GLP2R: variants seen among roughly 807,000 people sequenced by gnomAD.
GLP2R encodes the protein glucagon-like peptide 2 receptor.
GLP2R carries 59 observed loss-of-function variants against 68.2 expected under a neutral mutation model. The ratio of observed to expected loss-of-function variants is 0.87; its 90% CI spans 0.70 to 1.07. The LOEUF is 1.07. GLP2R is among the 50% of genes least tolerant of loss of function. The pLI is 0.00. For synonymous variants in GLP2R, 270 were observed against 265.4 expected (o/e 1.02, Z -0.17); for missense variants, 548 against 677.4 (o/e 0.81, Z 2.12).
At position 9,869,632 on chromosome 17, in the gene GLP2R, T is replaced by A. The variant is rs564740442; in HGVS notation, c.1057-1115T>A. Among the ~76,000 whole-genome samples the A allele has an allele frequency of 2.0e-5, 3 of 152,314 alleles. No individual in the cohort carries two copies. The South Asian group carries it at 6.2e-4, about 32-fold the overall frequency. ...AGCTGGTGGTGGGTGGTGCTGGTTT[T>A]GGGCCTGAGAACTCAGTTACCCCAC... On this transcript the variant is annotated intron_variant, in intron 9 of 12. Transcript: ENST00000262441.
chr17:9,883,016 A>G (rs2067211166), intron 11 of GLP2R, among the ~76,000 whole-genome samples: 1 of 145,856 alleles, frequency 6.9e-6, no homozygotes, highest in African/African-American at 2.4e-5. Flanking sequence ...AGCAGTCATT[A>G]GAAACTTTCT....
At chr17:9,838,527 C>G (rs1478838557) in intron 3 of GLP2R, among the ~76,000 whole-genome samples, 2 of 152,122 alleles carry the variant, frequency 1.3e-5, no homozygotes, top group Non-Finnish European at 2.9e-5. Context: ...TGCTCACTGT[C>G]TACCTGTCCC....
intron 5 of GLP2R, among the ~76,000 whole-genome samples, chr17:9,856,189 A>T (rs530986799): frequency 7.2e-5 from 11 of 152,200 alleles, no homozygotes; most frequent in African/African-American, 2.2e-4. Flanking sequence ...ATTATCTGTG[A>T]CCTCCTTCCT....
At chr17:9,877,440 A>G (rs1458050560) in intron 10 of GLP2R, among the ~76,000 whole-genome samples, 5 of 152,210 alleles carry the variant, frequency 3.3e-5, no homozygotes, top group East Asian at 3.8e-4. Flanking sequence ...GTTATTCTTT[A>G]TAGATCATTC....
intron 1 of GLP2R, among the ~76,000 whole-genome samples, chr17:9,826,814 TG>T (rs2066636454): frequency 6.6e-6 from 1 of 152,198 alleles, no homozygotes; most frequent in Non-Finnish European, 1.5e-5. Flanking sequence ...CATTCACATT[TG>T]GGGGCTTATA....
rs1185925002 is a variant in GLP2R, at chr17:9,863,219, A to G, written c.1056+1129A>G. 3.3e-5 allele frequency among the ~76,000 whole-genome samples: 5 copies of G among 152,250 alleles called. No individual in the cohort carries two copies. In the South Asian group the frequency reaches 8.3e-4, roughly 25 times the overall value. The stretch of plus-strand genomic sequence containing the variant: ...CCTCCACAGTCCTCTCTCCAGCCAC[A>G]CTGCCCAGCTGGGGTCCTGTCTGGA... On this transcript the variant is annotated intron_variant, in intron 9 of 12. Coordinates refer to ENST00000262441, the MANE Select transcript of GLP2R (RefSeq NM_004246.3).
At chr17:9,875,563 C>T (rs376824969) in intron 10 of GLP2R, among the ~76,000 whole-genome samples, 7 of 152,212 alleles carry the variant, frequency 4.6e-5, no homozygotes, top group Admixed American at 1.3e-4. Context: ...AGCTAGAGAA[C>T]CTTCTGTAGT....
chr17:9,854,438 G>T, intron 4 of GLP2R, 57 bp from the exon 5 acceptor site: 1 of 1,015,074 alleles, frequency 9.9e-7, no homozygotes, highest in East Asian at 2.4e-5. Flanking sequence ...TGGAGCTGGG[G>T]GTTGTGGCCA....
intron 1 of GLP2R, among the ~76,000 whole-genome samples, chr17:9,829,712 A>G (rs944975789): frequency 1.3e-5 from 2 of 152,240 alleles, no homozygotes; most frequent in African/African-American, 4.8e-5. Context: ...AAAAAAGAAA[A>G]GAAAGACAAT....
At chr17:9,870,700 A>C (rs759532174) in intron 9 of GLP2R, 47 bp from the exon 10 acceptor site, 7 of 866,294 alleles carry the variant, frequency 8.1e-6, no homozygotes, top group Non-Finnish European at 1.4e-5. Context: ...GTTCACAGCT[A>C]TGTGGAATTC....
At position 9,849,169 on chromosome 17, in the gene GLP2R, T is replaced by C. The variant is rs367593464; in HGVS notation, c.505-5326T>C. 2.6e-5 allele frequency among the ~76,000 whole-genome samples: 4 copies of C among 151,926 alleles called. No individual in the cohort carries two copies. The East Asian group carries it at 7.7e-4, about 29-fold the overall frequency. On this transcript the variant is annotated intron_variant, in intron 4 of 12. Coordinates refer to ENST00000262441, the MANE Select transcript of GLP2R (RefSeq NM_004246.3). ...TTTTCCAACATTTTATTTTGAAATA[T>C]TGAAACATATAGAAAAATTAAAAGA...
At chr17:9,889,306 TGCTAAATGGACACATG>T in intron 12 of GLP2R, 48 bp from the exon 13 acceptor site, 2 of 1,119,096 alleles carry the variant, frequency 1.8e-6, no homozygotes, top group Non-Finnish European at 2.6e-6. Context: ...AATTAATATT[TGCTAAATGGACACATG>T]GCTAAATGAC....
intron 6 of GLP2R, among the ~76,000 whole-genome samples, chr17:9,857,904 G>T (rs964858650): frequency 6.6e-6 from 1 of 152,192 alleles, no homozygotes; most frequent in Non-Finnish European, 1.5e-5. Context: ...CTGCATTCAT[G>T]AATTTAACCA....
chr17:9,854,380 T>TAAAA, intron 4 of GLP2R, 115 bp from the exon 5 acceptor site: 2 of 705,844 alleles, frequency 2.8e-6, no homozygotes, highest in East Asian at 5.0e-5. Context: ...AGGAAACATT[T>TAAAA]AAAAAAATGT....
intron 10 of GLP2R, among the ~76,000 whole-genome samples, chr17:9,878,727 G>T (rs1040003567): frequency 6.6e-5 from 10 of 152,190 alleles, no homozygotes; most frequent in Non-Finnish European, 7.3e-5. Flanking sequence ...AGGTGAGGTT[G>T]TTTATTTCAT....
intron 3 of GLP2R, among the ~76,000 whole-genome samples, chr17:9,841,906 A>T (rs2066790638): frequency 6.6e-6 from 1 of 152,210 alleles, no homozygotes; most frequent in African/African-American, 2.4e-5. Flanking sequence ...ACTGAGTCAC[A>T]ATGGCAGTCT....
chr17:9,878,837 A>T (rs954372995), intron 10 of GLP2R, among the ~76,000 whole-genome samples: 3 of 152,124 alleles, frequency 2.0e-5, no homozygotes, highest in African/African-American at 7.2e-5. Flanking sequence ...TCCCCCATGA[A>T]CTGCGAATGC....
chr17:9,865,743 A>T lies in GLP2R; in HGVS notation c.1056+3653A>T, dbSNP rs7213623. On this transcript the variant is annotated intron_variant, in intron 9 of 12. Transcript: ENST00000262441. ...CCTCCACCCCCCTGCAATTAAAATA[A>T]GTCAACAGGCATGCCTAGAAGGGAA... 1,013 of 456,996 alleles carry T rather than the reference A, an allele frequency of 2.2e-3. 11 individuals are homozygous for T. The highest frequency in any genetic ancestry group is 0.019 in the African/African-American group (919 of 49,498). The allele number at this position is 456,996 out of a possible 1,614,324, so 28.3% of individuals were successfully genotyped here.
At chr17:9,879,286 TAAAATAAATA>T (rs1423216929) in intron 10 of GLP2R, among the ~76,000 whole-genome samples, 7,837 of 53,782 alleles carry the variant, frequency 0.15, 313 homozygotes, top group Non-Finnish European at 0.16. Context: ...TAAAATAAAA[TAAAATAAATA>T]AAATAAAATA....
Sources: gnomAD v4.1 joint callset for allele counts (sites outside exome capture counted in the v4.1 genomes callset) on GRCh38, gnomAD v4.1.1 for gene constraint, MANE v1.5 for transcripts, NCBI Gene and HGNC (gene_info 2026-07-23, HGNC 2026-07-21) for gene names.